Variants in ATXN2 observed in about 807,000 individuals in gnomAD.
The protein encoded by ATXN2 is ataxin 2.
ATXN2 carries 37 observed loss-of-function variants against 138.6 expected under a neutral mutation model. The observed-to-expected ratio is 0.27, with a 90% confidence interval of 0.21 to 0.35. The LOEUF (loss-of-function observed/expected upper bound fraction) is 0.35, where lower values mean the gene tolerates loss of function less well. Among genes scored for constraint, ATXN2 ranks in the 10% least tolerant of loss-of-function variants. The probability of loss-of-function intolerance (pLI) is 1.00; values close to 1 mark genes in which losing one functional copy is unlikely to be tolerated. For synonymous variants in ATXN2, 549 were observed against 543.7 expected, an observed-to-expected ratio of 1.01 and a Z score of -0.13; for missense variants, 1,216 against 1,480.3, an observed-to-expected ratio of 0.82 and a Z score of 2.93.
chr12:111,545,920 G>C (rs1341335954), intron 5 of ATXN2, among the ~76,000 whole-genome samples: 1 of 148,828 alleles, frequency 6.7e-6, no homozygotes, highest in East Asian at 2.0e-4. Context: ...AGCTGTGATT[G>C]CATCACTGCA....
At chr12:111,483,477 C>T (rs1173048968) in intron 18 of ATXN2, among the ~76,000 whole-genome samples, 3 of 99,174 alleles carry the variant, frequency 3.0e-5, no homozygotes, top group Admixed American at 1.3e-4. Flanking sequence ...TTTTTTTGGA[C>T]GGAGTCTCGC....
chr12:111,501,684 A>G (rs536592137), intron 14 of ATXN2, among the ~76,000 whole-genome samples: 1 of 152,318 alleles, frequency 6.6e-6, no homozygotes, highest in East Asian at 1.9e-4. Flanking sequence ...AATTTAAGTC[A>G]CGATGTAGGA....
intron 5 of ATXN2, among the ~76,000 whole-genome samples, chr12:111,530,215 C>A (rs1018336647): frequency 1.3e-5 from 2 of 152,190 alleles, no homozygotes; most frequent in Non-Finnish European, 2.9e-5. Context: ...ACCTACAATG[C>A]ACTCATAAGT....
At chr12:111,572,833 A>G (rs1232400299) in intron 1 of ATXN2, among the ~76,000 whole-genome samples, 1 of 152,198 alleles carries the variant, frequency 6.6e-6, no homozygotes, top group Non-Finnish European at 1.5e-5. Context: ...AAGCGTGGGC[A>G]AGTGAGTTCC....
chr12:111,504,495 G>T (rs1019972883), intron 14 of ATXN2, among the ~76,000 whole-genome samples: 3 of 152,036 alleles, frequency 2.0e-5, no homozygotes, highest in Admixed American at 1.3e-4. Context: ...TTCACCATTT[G>T]GTCAGACTGG....
chr12:111,457,282 A>C lies in ATXN2; in HGVS notation c.2974T>G (p.Ser992Ala). The C allele has an allele frequency of 6.2e-7, 1 of 1,614,086 alleles. No homozygotes were observed. Among genetic ancestry groups the C allele is most frequent in the Non-Finnish European group, 8.5e-7 (1 of 1,179,996 alleles). ...LHPHTPHPQPSATPTGQQQSQ... is the reference protein window; with the variant it reads ...LHPHTPHPQPAATPTGQQQSQ... ...TGCTGCTGTCCAGTGGGGGTAGCTG[A>C]AGGCTGAGGGTGTGGAGTATGTGGG... The change falls in exon 22 of 25, where the codon TCA becomes GCA. Residue 992 changes from serine (S) to alanine (A), a missense_variant. Transcript: ENST00000673436.
intron 5 of ATXN2, among the ~76,000 whole-genome samples, chr12:111,532,574 T>C (rs1880896329): frequency 6.6e-6 from 1 of 152,212 alleles, no homozygotes; most frequent in Admixed American, 6.5e-5. Context: ...TCATAAATAC[T>C]GCTAATACTA....
At chr12:111,511,420 T>C (rs1879507223) in intron 11 of ATXN2, 1 of 152,032 alleles carries the variant, frequency 6.6e-6, no homozygotes, top group African/African-American at 2.4e-5. Flanking sequence ...TTCCAGACCA[T>C]CTAAGTAATG....
chr12:111,590,108 G>A (rs912957746), intron 1 of ATXN2, among the ~76,000 whole-genome samples: 1 of 152,028 alleles, frequency 6.6e-6, no homozygotes, highest in African/African-American at 2.4e-5. Context: ...CAGCTACTCA[G>A]GAGGCTGAGG....
intron 21 of ATXN2, among the ~76,000 whole-genome samples, chr12:111,464,339 G>GTT (rs1465465933): frequency 2.5e-5 from 3 of 120,282 alleles, no homozygotes; most frequent in African/African-American, 1.8e-4. Context: ...GTGTGTTTGT[G>GTT]TGTGTGTGTG....
At chr12:111,482,750 G>A (rs528505341) in intron 18 of ATXN2, 2 of 151,230 alleles carry the variant, frequency 1.3e-5, no homozygotes, top group South Asian at 2.1e-4. Context: ...ATTTCTAAAG[G>A]CCCTCAAAAT....
intron 9 of ATXN2, among the ~76,000 whole-genome samples, 179 bp downstream of exon 9, chr12:111,518,070 A>G (rs1327331940): frequency 6.6e-6 from 1 of 152,234 alleles, no homozygotes; most frequent in Non-Finnish European, 1.5e-5. Flanking sequence ...AATGACATAT[A>G]CAATGTTTTA....
At chr12:111,537,955 CA>C (rs1204086851) in intron 5 of ATXN2, among the ~76,000 whole-genome samples, 2 of 151,880 alleles carry the variant, frequency 1.3e-5, no homozygotes, top group Non-Finnish European at 2.9e-5. Context: ...AAAAATTAGC[CA>C]GGAGTGGTGA....
intron 1 of ATXN2, chr12:111,581,851 T>G: frequency 3.3e-6 from 1 of 301,370 alleles, no homozygotes; most frequent in Non-Finnish European, 6.4e-6. Context: ...CACCCTCCAT[T>G]CCTCGCCCTG....
chr12:111,555,750 CATACTT>C, intron 2 of ATXN2, 127 bp downstream of exon 2: 1 of 692,348 alleles, frequency 1.4e-6, no homozygotes, highest in Non-Finnish European at 2.4e-6. Context: ...AGGCTAATAA[CATACTT>C]AAACAGTCAA....
chr12:111,575,223 A>T (rs1455666185), intron 1 of ATXN2, among the ~76,000 whole-genome samples: 1 of 152,002 alleles, frequency 6.6e-6, no homozygotes, highest in Non-Finnish European at 1.5e-5. Flanking sequence ...CAGACTGCTG[A>T]TAAGAGGGGC....
intron 1 of ATXN2, 136 bp from the exon 2 acceptor site, chr12:111,556,055 A>G: frequency 1.5e-6 from 1 of 686,732 alleles, no homozygotes; most frequent in Non-Finnish European, 2.3e-6. Flanking sequence ...TATTAAGTCT[A>G]AAGGCTACCT....
At chr12:111,545,875 G>A (rs548190624) in intron 5 of ATXN2, among the ~76,000 whole-genome samples, 1 of 151,424 alleles carries the variant, frequency 6.6e-6, no homozygotes, top group East Asian at 2.0e-4. Context: ...TGAGGTGAGA[G>A]GATCACCTGA....
chr12:111,483,452 CTTTTTTTTTTT>C (rs927752030), intron 18 of ATXN2, among the ~76,000 whole-genome samples: 34 of 107,216 alleles, frequency 3.2e-4, no homozygotes, highest in African/African-American at 9.4e-4. Context: ...TAAAAGAACT[CTTTTTTTTTTT>C]TTTTTTTTTT....
Sources: gnomAD v4.1 joint callset for allele counts (sites outside exome capture counted in the v4.1 genomes callset) on GRCh38, gnomAD v4.1.1 for gene constraint, MANE v1.5 for transcripts, NCBI Gene and HGNC (gene_info 2026-07-23, HGNC 2026-07-21) for gene names.